The following PTPRN2 variants were observed in gnomAD, a reference collection of about 807,000 sequenced individuals.
The protein encoded by PTPRN2 is receptor-type tyrosine-protein phosphatase N2.
PTPRN2 carries 74 observed loss-of-function variants against 118.8 expected under a neutral mutation model. That is an observed-to-expected ratio of 0.62 (90% CI 0.52 to 0.76). The LOEUF is 0.76. Ranked by LOEUF, PTPRN2 falls within the 30% of genes least tolerant of loss-of-function variation. The pLI is 0.00. For synonymous variants in PTPRN2, 641 were observed against 608.0 expected, an observed-to-expected ratio of 1.05 and a Z score of -0.80; for missense variants, 1,481 against 1,394.4, an observed-to-expected ratio of 1.06 and a Z score of -0.99.
intron 14 of PTPRN2, among the ~76,000 whole-genome samples, chr7:157,623,842 C>T (rs528293858): frequency 6.6e-6 from 1 of 152,322 alleles, no homozygotes; most frequent in South Asian, 2.1e-4. Context: ...CCGTTCTGCT[C>T]ATTTCAATTT....
intron 12 of PTPRN2, among the ~76,000 whole-genome samples, chr7:157,828,548 C>G (rs1807340142): frequency 7.1e-6 from 1 of 141,844 alleles, no homozygotes; most frequent in Non-Finnish European, 1.5e-5. Context: ...TGAGAGACGT[C>G]CTGGTTACTG....
chr7:157,677,723 G>A (rs182340853), intron 13 of PTPRN2, among the ~76,000 whole-genome samples: 98 of 152,286 alleles, frequency 6.4e-4, no homozygotes, highest in African/African-American at 2.2e-3. Flanking sequence ...TCCCACACTG[G>A]GGACGACACG....
At chr7:157,843,443 C>T (rs1447672008) in intron 12 of PTPRN2, among the ~76,000 whole-genome samples, 2 of 152,200 alleles carry the variant, frequency 1.3e-5, no homozygotes, top group East Asian at 3.9e-4. Context: ...ATGCCCACTG[C>T]CTGGCTGTGC....
At chr7:157,594,362 C>T (rs560939396) in intron 17 of PTPRN2, among the ~76,000 whole-genome samples, 3 of 152,256 alleles carry the variant, frequency 2.0e-5, no homozygotes, top group East Asian at 3.9e-4. Context: ...GCTGCACAGG[C>T]GCCCGGGCTG....
At chr7:158,164,834 G>C (rs1822782205) in intron 6 of PTPRN2, among the ~76,000 whole-genome samples, 1 of 152,180 alleles carries the variant, frequency 6.6e-6, no homozygotes, top group South Asian at 2.1e-4. Context: ...CCGGTGCCGG[G>C]GAGGGGCAAG....
chr7:158,147,719 AC>A, intron 6 of PTPRN2, among the ~76,000 whole-genome samples: 1 of 143,344 alleles, frequency 7.0e-6, no homozygotes, highest in East Asian at 2.0e-4. Flanking sequence ...CCTCACTGAC[AC>A]CCCATCTCAC....
At chr7:158,348,002 C>T (rs911668264) in intron 2 of PTPRN2, among the ~76,000 whole-genome samples, 1 of 152,016 alleles carries the variant, frequency 6.6e-6, no homozygotes, top group South Asian at 2.1e-4. Flanking sequence ...CCCTTGCGGC[C>T]CAGGAGCCAC....
intron 2 of PTPRN2, among the ~76,000 whole-genome samples, chr7:158,430,051 G>A (rs1816043560): frequency 6.6e-6 from 1 of 152,086 alleles, no homozygotes; most frequent in Non-Finnish European, 1.5e-5. Flanking sequence ...GGGATTACAG[G>A]TGCACGCTAC....
intron 2 of PTPRN2, among the ~76,000 whole-genome samples, chr7:158,444,334 A>G (rs1817581024): frequency 6.6e-6 from 1 of 152,266 alleles, no homozygotes; most frequent in Admixed American, 6.5e-5. Flanking sequence ...CCCAGCGCCC[A>G]GGCGCCTCCT....
chr7:157,970,267 C>T (rs1455058635), intron 11 of PTPRN2, among the ~76,000 whole-genome samples: 1 of 152,198 alleles, frequency 6.6e-6, no homozygotes. Flanking sequence ...TTGAGAAACA[C>T]CAGCACACAA....
intron 2 of PTPRN2, among the ~76,000 whole-genome samples, chr7:158,369,268 T>C (rs12111936): frequency 1.1e-4 from 16 of 144,942 alleles, no homozygotes; most frequent in African/African-American, 3.8e-4. Context: ...TATACACACA[T>C]ACACACACAC....
intron 20 of PTPRN2, among the ~76,000 whole-genome samples, chr7:157,571,202 T>TAAAAA (rs56184271): frequency 1.5e-5 from 2 of 129,550 alleles, no homozygotes; most frequent in African/African-American, 3.0e-5. Context: ...GCAACAGAGT[T>TAAAAA]AAAAAAAAAA....
intron 12 of PTPRN2, among the ~76,000 whole-genome samples, chr7:157,685,847 T>A (rs376996496): frequency 1.3e-5 from 2 of 152,254 alleles, no homozygotes; most frequent in East Asian, 3.9e-4. Flanking sequence ...CCCAGTGCCC[T>A]GGAGTCCTGT....
chr7:157,715,217 G>GC (rs1349412293), intron 12 of PTPRN2, among the ~76,000 whole-genome samples: 2 of 152,364 alleles, frequency 1.3e-5, no homozygotes, highest in East Asian at 3.9e-4. Flanking sequence ...AGGGCTGGAG[G>GC]CGGGAGTCCA....
intron 12 of PTPRN2, among the ~76,000 whole-genome samples, chr7:157,767,632 C>T (rs755052060): frequency 1.3e-5 from 2 of 152,198 alleles, no homozygotes; most frequent in Non-Finnish European, 2.9e-5. Context: ...ACTGCCAGGC[C>T]AGTCTGCCTT....
intron 21 of PTPRN2, among the ~76,000 whole-genome samples, chr7:157,565,798 G>A (rs544709435): frequency 6.6e-6 from 1 of 152,038 alleles, no homozygotes; most frequent in South Asian, 2.1e-4. Context: ...TGTGAGCCAA[G>A]CCCTTCAATG....
At chr7:157,939,828 A>G (rs1426958193) in intron 11 of PTPRN2, among the ~76,000 whole-genome samples, 1 of 152,196 alleles carries the variant, frequency 6.6e-6, no homozygotes, top group African/African-American at 2.4e-5. Context: ...GAGAAGGAGA[A>G]GGTTGCTACG....
chr7:158,350,122 T>C (rs1035013914), intron 2 of PTPRN2, among the ~76,000 whole-genome samples: 1 of 152,140 alleles, frequency 6.6e-6, no homozygotes, highest in Admixed American at 6.5e-5. Context: ...TACCAAGACA[T>C]GGGTAAAAAG....
intron 12 of PTPRN2, among the ~76,000 whole-genome samples, chr7:157,700,735 A>G (rs560566785): frequency 6.6e-6 from 1 of 152,126 alleles, no homozygotes; most frequent in Admixed American, 6.5e-5. Context: ...CATCTGATCA[A>G]CCAAGGACAC....
Sources: allele counts gnomAD v4.1 joint callset (sites outside exome capture counted in the v4.1 genomes callset), GRCh38; gene constraint gnomAD v4.1.1; transcripts MANE v1.5; gene names NCBI Gene and HGNC (gene_info 2026-07-23, HGNC 2026-07-21).